Variants in MYO1D observed in about 807,000 individuals in gnomAD.
MYO1D encodes the protein unconventional myosin-Id.
A neutral mutation model predicts 122.0 loss-of-function variants in MYO1D; 83 were observed. The ratio of observed to expected loss-of-function variants is 0.68; its 90% CI spans 0.57 to 0.82. The LOEUF is 0.82. Among genes scored for constraint, MYO1D ranks in the 40% least tolerant of loss-of-function variants. The pLI is 0.00. For synonymous variants in MYO1D, 464 were observed against 446.9 expected, an observed-to-expected ratio of 1.04 and a Z score of -0.48; for missense variants, 1,157 against 1,269.5, an observed-to-expected ratio of 0.91 and a Z score of 1.35.
chr17:32,561,923 AAC>A (rs2087129760), intron 21 of MYO1D, among the ~76,000 whole-genome samples: 1 of 152,178 alleles, frequency 6.6e-6, no homozygotes, highest in African/African-American at 2.4e-5. Flanking sequence ...AAAGCTGGAA[AAC>A]ACAGAAAAGT....
intron 21 of MYO1D, among the ~76,000 whole-genome samples, chr17:32,555,710 T>G (rs1186870364): frequency 6.6e-6 from 1 of 152,172 alleles, no homozygotes; most frequent in Non-Finnish European, 1.5e-5. Context: ...ACCCATGCCA[T>G]TCCAGACCCT....
At chr17:32,655,946 A>T (rs895828313) in intron 17 of MYO1D, among the ~76,000 whole-genome samples, 4 of 152,198 alleles carry the variant, frequency 2.6e-5, no homozygotes, top group African/African-American at 9.6e-5. Context: ...AACAAACAGA[A>T]TTTGACAATG....
At chr17:32,759,879 T>A in intron 10 of MYO1D, 1 of 450,856 alleles carries the variant, frequency 2.2e-6, no homozygotes. Flanking sequence ...CTGAAGACAA[T>A]AAAATACCAT....
intron 19 of MYO1D, among the ~76,000 whole-genome samples, chr17:32,646,147 G>T (rs2088290938): frequency 6.6e-6 from 1 of 152,088 alleles, no homozygotes; most frequent in African/African-American, 2.4e-5. Context: ...ATATATTAAA[G>T]GCTGTGAGAA....
chr17:32,744,943 T>C (rs757396652), intron 13 of MYO1D, among the ~76,000 whole-genome samples: 3 of 152,144 alleles, frequency 2.0e-5, no homozygotes, highest in Non-Finnish European at 2.9e-5. Flanking sequence ...AGTATACTGG[T>C]AGGGGATGCT....
At chr17:32,763,842 C>T (rs1166396302) in intron 8 of MYO1D, among the ~76,000 whole-genome samples, 1 of 152,192 alleles carries the variant, frequency 6.6e-6, no homozygotes, top group Non-Finnish European at 1.5e-5. Context: ...ATCACTTGAA[C>T]CCGGGAGGTG....
At chr17:32,607,692 C>G (rs1332581215) in intron 20 of MYO1D, among the ~76,000 whole-genome samples, 1 of 151,918 alleles carries the variant, frequency 6.6e-6, no homozygotes, top group East Asian at 1.9e-4. Flanking sequence ...AGCAAAAGAA[C>G]TAGAATAGCC....
intron 1 of MYO1D, among the ~76,000 whole-genome samples, chr17:32,811,181 T>C (rs967727574): frequency 6.6e-6 from 1 of 152,198 alleles, no homozygotes; most frequent in Non-Finnish European, 1.5e-5. Flanking sequence ...AGTTCAGACA[T>C]TTCTTCCAAC....
chr17:32,559,112 G>A lies in MYO1D; in HGVS notation c.2864+45975C>T, dbSNP rs9893994. ...GTGTGTGTGCAATATGAACCAAATT[G>A]TCTTTCAAGGGCTTCTAAATTACTG... On this transcript the variant is annotated intron_variant, in intron 21 of 21. Coordinates refer to ENST00000318217, the MANE Select transcript of MYO1D (RefSeq NM_015194.3). Among the ~76,000 whole-genome samples, 438 of 152,270 alleles carry A rather than the reference G, an allele frequency of 2.9e-3. 4 individuals are homozygous for A. Among genetic ancestry groups the A allele is most frequent in the African/African-American group, 1.0e-2 (414 of 41,540 alleles).
At chr17:32,669,870 T>A (rs2088686129) in intron 16 of MYO1D, among the ~76,000 whole-genome samples, 1 of 152,126 alleles carries the variant, frequency 6.6e-6, no homozygotes, top group African/African-American at 2.4e-5. Context: ...GCATACACAT[T>A]TGTCAGGAAA....
At chr17:32,586,037 C>G (rs2087384604) in intron 21 of MYO1D, among the ~76,000 whole-genome samples, 1 of 152,074 alleles carries the variant, frequency 6.6e-6, no homozygotes, top group African/African-American at 2.4e-5. Context: ...TTGCTATTAC[C>G]TTTTTAAGAC....
chr17:32,844,930 A>C (rs912114942), intron 1 of MYO1D, among the ~76,000 whole-genome samples: 1 of 152,086 alleles, frequency 6.6e-6, no homozygotes, highest in African/African-American at 2.4e-5. Flanking sequence ...TAGATATTTT[A>C]AAGTAGATGT....
intron 21 of MYO1D, among the ~76,000 whole-genome samples, chr17:32,503,318 A>G (rs1909383180): frequency 6.6e-6 from 1 of 152,220 alleles, no homozygotes; most frequent in Admixed American, 6.5e-5. Flanking sequence ...GGGAGGTTGC[A>G]GGCAGCCCTG....
chr17:32,713,616 G>T (rs1168718856), intron 15 of MYO1D, among the ~76,000 whole-genome samples: 1 of 151,874 alleles, frequency 6.6e-6, no homozygotes, highest in Admixed American at 6.6e-5. Context: ...GATTTAGTGA[G>T]TTGGAACATT....
At chr17:32,713,548 C>CA (rs2089405464) in intron 15 of MYO1D, among the ~76,000 whole-genome samples, 3 of 151,848 alleles carry the variant, frequency 2.0e-5, no homozygotes, top group South Asian at 2.1e-4. Flanking sequence ...CAGTTCCAGG[C>CA]AAAAAAACCA....
chr17:32,522,081 C>CAAAAAAAAAA, intron 21 of MYO1D, among the ~76,000 whole-genome samples: 1 of 63,250 alleles, frequency 1.6e-5, no homozygotes, highest in Non-Finnish European at 2.8e-5. Flanking sequence ...GACTCTGTCT[C>CAAAAAAAAAA]AAAAAAAAAA....
chr17:32,701,532 G>T (rs1233084707), intron 16 of MYO1D, among the ~76,000 whole-genome samples: 1 of 152,146 alleles, frequency 6.6e-6, no homozygotes, highest in African/African-American at 2.4e-5. Context: ...ATCTATTCTT[G>T]ATTTTTAAGG....
chr17:32,642,625 C>A (rs570722048), intron 19 of MYO1D, among the ~76,000 whole-genome samples: 2 of 152,116 alleles, frequency 1.3e-5, no homozygotes, highest in Admixed American at 1.3e-4. Flanking sequence ...GGTTTGTTCT[C>A]CTTGAAGAGG....
chr17:32,517,582 G>A (rs571749505), intron 21 of MYO1D, among the ~76,000 whole-genome samples: 7 of 152,264 alleles, frequency 4.6e-5, no homozygotes, highest in Admixed American at 4.6e-4. Flanking sequence ...GTGGACCCCT[G>A]AATGTCGCGT....
Sources: gnomAD v4.1 joint callset for allele counts (sites outside exome capture counted in the v4.1 genomes callset) on GRCh38, gnomAD v4.1.1 for gene constraint, MANE v1.5 for transcripts, NCBI Gene and HGNC (gene_info 2026-07-23, HGNC 2026-07-21) for gene names.